STOML3: variants seen among roughly 807,000 people sequenced by gnomAD.
STOML3 encodes the protein stomatin like 3, also known as stomatin-like protein 3.
A neutral mutation model predicts 29.5 loss-of-function variants in STOML3; 31 were observed. That is an observed-to-expected ratio of 1.05 (90% confidence interval 0.79 to 1.42). The LOEUF (loss-of-function observed/expected upper bound fraction) is 1.42. STOML3 is among the 40% of genes most tolerant of loss of function. The probability of loss-of-function intolerance (pLI) is 0.00; values close to 1 mark genes in which losing one functional copy is unlikely to be tolerated. For synonymous variants in STOML3, 122 were observed against 139.8 expected (o/e 0.87, Z 0.90); for missense variants, 380 against 363.0 (o/e 1.05, Z -0.38).
Position 38,967,029 on chromosome 13 carries a change from T to C in STOML3, c.672A>G (p.Glu224=), listed in dbSNP as rs903768578. The change falls in exon 7 of 7, where the codon GAA becomes GAG. Residue 224 remains glutamate (E), a synonymous_variant. Transcript: ENST00000379631. Reference sequence around the variant, plus strand: ...ACTTCAGGGATTTGGAAGCATTCATTTCTCCTTCAGCTGCAAGGACCTGAA... The same window carrying C: ...ACTTCAGGGATTTGGAAGCATTCATCTCTCCTTCAGCTGCAAGGACCTGAA... The part of the protein sequence containing the change: ...ARAKVLAAEG[E]MNASKSLKSA... The C allele has an allele frequency of 6.2e-7, 1 of 1,613,910 alleles. No homozygotes were observed. Among genetic ancestry groups the C allele is most frequent in the African/African-American group, 1.3e-5 (1 of 75,004 alleles).
chr13:38,971,919 CTG>C (rs1161686780), intron 4 of STOML3, among the ~76,000 whole-genome samples: 2 of 152,028 alleles, frequency 1.3e-5, no homozygotes, highest in Non-Finnish European at 2.9e-5. Flanking sequence ...GAGTGAAACT[CTG>C]TCTCAAAAGA....
chr13:38,967,498 C>T lies in STOML3; in HGVS notation c.652-449G>A, dbSNP rs150095263. ...CCACTTTGGTGTCATTCTTACAAAC[C>T]GAGAATTGTTTCTAGTTCTCTTGGC... On this transcript the variant is annotated intron_variant, in intron 6 of 6. Coordinates refer to ENST00000379631, the MANE Select transcript of STOML3 (RefSeq NM_145286.3). 1.3e-4 allele frequency among the ~76,000 whole-genome samples: 20 copies of T among 152,148 alleles called. No individual in the cohort carries two copies. In the East Asian group the frequency reaches 2.5e-3, roughly 19 times the overall value.
Position 38,966,908 on chromosome 13 carries a change from C to A in STOML3, c.793G>T (p.Val265Leu), listed in dbSNP as rs535083746. The A allele has an allele frequency of 1.6e-5, 26 of 1,614,036 alleles. No individual in the cohort carries two copies. In the African/African-American group the frequency reaches 3.3e-4, roughly 21 times the overall value. ...AGTATATTCATGGGCAGAGGAAACA[C>A]AATCGTAGAATTCTTCTCGGTGGCT... ...TVATEKNSTI[V>L]FPLPMNILEG... Residue 265 changes from valine (V) to leucine (L), a missense_variant, in exon 7 of 7, where the codon GTG (valine) becomes TTG (leucine). Coordinates refer to ENST00000379631, the MANE Select transcript of STOML3 (RefSeq NM_145286.3).
In STOML3 at chr13:38,972,519, G is replaced by T. The variant is rs1254498825; in HGVS notation, c.305C>A (p.Pro102Gln). The T allele has an allele frequency of 6.2e-7, 1 of 1,613,718 alleles. No individual in the cohort carries two copies. Among genetic ancestry groups the T allele is most frequent in the South Asian group, 1.1e-5 (1 of 91,066 alleles). ...DLRTVTCNIPPQEILTRDSVT... is the reference protein window; with the variant it reads ...DLRTVTCNIPQQEILTRDSVT... ...ATCCTTAATCAGTACTACCTCTTGTGGAGGAATGTTGCAAGTAACTGTTCG... is the reference window on the plus strand; with the variant it reads ...ATCCTTAATCAGTACTACCTCTTGTTGAGGAATGTTGCAAGTAACTGTTCG... The change falls in exon 4 of 7, where the codon CCA (proline) becomes CAA (glutamine). Residue 102 changes from proline to glutamine, a missense_variant. Physicochemically the swap from Pro to Gln is moderately conservative, Grantham distance 76. Coordinates refer to ENST00000379631, the MANE Select transcript of STOML3 (RefSeq NM_145286.3).
At position 38,976,633 on chromosome 13, in the gene STOML3, G is replaced by C. The variant is rs1412654269; in HGVS notation, c.157-21C>G. ...ATGATCTAGGAGATTAAGGGCGAAC[G>C]TTTAGTCCTAATGGTTTGTCAGTTC... On this transcript the variant is annotated intron_variant, in intron 2 of 6. Coordinates refer to ENST00000379631, the MANE Select transcript of STOML3 (RefSeq NM_145286.3). 3.7e-6 allele frequency: 6 copies of C among 1,614,006 alleles called. No individual in the cohort carries two copies. In the South Asian group the frequency reaches 4.4e-5, roughly 12 times the overall value.
rs1880807778 is a variant in STOML3 at position 38,970,175 on chromosome 13, G to T, written c.516+10C>A. On this transcript the variant is annotated intron_variant, in intron 5 of 6. Coordinates refer to ENST00000379631, the MANE Select transcript of STOML3 (RefSeq NM_145286.3). ...TAAAGATACAGGCTATTAGTTCATG[G>T]TGTCTTTACCTGGATGCTATGGGCG... 1 of 1,606,450 alleles carries T rather than the reference G, an allele frequency of 6.2e-7. No individual in the cohort carries two copies. Among genetic ancestry groups the T allele is most frequent in the African/African-American group, 1.3e-5 (1 of 74,728 alleles).
intron 3 of STOML3, among the ~76,000 whole-genome samples, chr13:38,975,908 A>G (rs560682586): frequency 6.6e-6 from 1 of 152,232 alleles, no homozygotes; most frequent in Non-Finnish European, 1.5e-5. Context: ...GGAAATAAAC[A>G]CTATACTATA....
At position 38,980,182 on chromosome 13, in the gene STOML3, C is replaced by T. The variant is rs1593504837; in HGVS notation, c.53-3385G>A. 4 of 1,522,022 alleles carry T rather than the reference C, an allele frequency of 2.6e-6. No homozygotes were observed. The East Asian group carries it at 7.4e-5, about 28-fold the overall frequency. 94.3% of individuals were successfully genotyped at this position (1,522,022 alleles called of 1,614,324 possible). On this transcript the variant is annotated intron_variant, in intron 1 of 6. Coordinates refer to ENST00000379631, the MANE Select transcript of STOML3 (RefSeq NM_145286.3). The stretch of plus-strand genomic sequence containing the variant: ...AATGTGACTATTCTTCCAAGATTTA[C>T]ACTGGAGCATTAGAATCACCCAGGC...
chr13:38,985,911 C>CT (rs1170409048), intron 1 of STOML3, among the ~76,000 whole-genome samples: 51,052 of 85,012 alleles, frequency 0.6, 17,900 homozygotes, highest in Non-Finnish European at 0.73. Context: ...TCTTTTCTTT[C>CT]TTTTTTTTTT....
In STOML3 at chr13:38,977,610, C is replaced by T. The variant is rs527720494; in HGVS notation, c.53-813G>A. Among the ~76,000 whole-genome samples the T allele has an allele frequency of 3.9e-5, 6 of 152,226 alleles. No homozygotes were observed. In the East Asian group the frequency reaches 1.2e-3, roughly 29 times the overall value. On this transcript the variant is annotated intron_variant, in intron 1 of 6. Transcript: ENST00000379631. ...TCACATAAGATCTCTTCTCGCTAAT[C>T]ACACATTATGATAGCAGGTGCATTT...
chr13:38,988,607 CAT>C (rs1216936064), intron 1 of STOML3, among the ~76,000 whole-genome samples: 1 of 26,184 alleles, frequency 3.8e-5, no homozygotes, highest in East Asian at 9.1e-4. Context: ...TATTATATAT[CAT>C]ATATTTTATA....
At chr13:38,986,053 T>G (rs1163567099) in intron 1 of STOML3, among the ~76,000 whole-genome samples, 1 of 148,842 alleles carries the variant, frequency 6.7e-6, no homozygotes, top group Non-Finnish European at 1.5e-5. Flanking sequence ...TTTTTTTTTT[T>G]TTGGTTTGTT....
intron 1 of STOML3, among the ~76,000 whole-genome samples, chr13:38,985,889 CTTTT>C (rs200028643): frequency 1.6e-5 from 1 of 61,384 alleles, no homozygotes; most frequent in Admixed American, 1.7e-4. Flanking sequence ...GTGGCTATTT[CTTTT>C]TTTTTTTTCT....
At chr13:38,969,310 A>G (rs1179151395) in intron 5 of STOML3, among the ~76,000 whole-genome samples, 1 of 152,160 alleles carries the variant, frequency 6.6e-6, no homozygotes, top group Non-Finnish European at 1.5e-5. Context: ...TAGCTCCCCT[A>G]AAGAGGTGGG....
At chr13:38,970,918 T>C (rs2138007532) in intron 4 of STOML3, among the ~76,000 whole-genome samples, 1 of 152,290 alleles carries the variant, frequency 6.6e-6, no homozygotes, top group East Asian at 1.9e-4. Flanking sequence ...TTGGAGCAAA[T>C]GAGAGATTTC....
chr13:38,982,497 G>A (rs145336464), intron 1 of STOML3, among the ~76,000 whole-genome samples: 1 of 152,092 alleles, frequency 6.6e-6, no homozygotes, highest in South Asian at 2.1e-4. Flanking sequence ...AAAGAAAATA[G>A]CACCCCTATC....
chr13:38,970,420 T>C, intron 4 of STOML3, 32 bp from the exon 5 acceptor site: 2 of 1,586,126 alleles, frequency 1.3e-6, no homozygotes. Flanking sequence ...AAATCACTTA[T>C]TTATGACTTT....
chr13:38,971,389 T>A (rs184361098), intron 4 of STOML3, among the ~76,000 whole-genome samples: 32 of 152,288 alleles, frequency 2.1e-4, no homozygotes, highest in Non-Finnish European at 4.0e-4. Flanking sequence ...GAAGACATCA[T>A]GTTTGAGTCC....
chr13:38,980,968 T>C (rs750174190), intron 1 of STOML3, among the ~76,000 whole-genome samples: 4 of 152,222 alleles, frequency 2.6e-5, no homozygotes, highest in African/African-American at 4.8e-5. Flanking sequence ...TGTGTGTGGC[T>C]GTGACAACAG....
Sources: gnomAD v4.1 joint callset for allele counts (sites outside exome capture counted in the v4.1 genomes callset) on GRCh38, gnomAD v4.1.1 for gene constraint, MANE v1.5 for transcripts, NCBI Gene and HGNC (gene_info 2026-07-23, HGNC 2026-07-21) for gene names.